CACNB2: variants seen among roughly 807,000 people sequenced by gnomAD.
CACNB2 encodes the protein calcium voltage-gated channel auxiliary subunit beta 2, also known as voltage-dependent L-type calcium channel subunit beta-2.
CACNB2 carries 42 observed loss-of-function variants against 73.3 expected under a neutral mutation model. The ratio of observed to expected loss-of-function variants is 0.57; its 90% confidence interval spans 0.45 to 0.74. The LOEUF is 0.74. CACNB2 is among the 30% of genes least tolerant of loss of function. The pLI, the probability that CACNB2 is intolerant of heterozygous loss-of-function variation, is 0.00. For missense variants in CACNB2, 940 were observed against 853.0 expected (o/e 1.10, Z -1.27); for synonymous variants, 348 against 310.3 (o/e 1.12, Z -1.28).
At chr10:18,479,678 A>G (rs1454061872) in intron 3 of CACNB2, among the ~76,000 whole-genome samples, 1 of 138,674 alleles carries the variant, frequency 7.2e-6, no homozygotes, top group Non-Finnish European at 1.6e-5. Context: ...ATGGTTTAAA[A>G]GTGCGTGTGT....
chr10:18,380,457 T>TA (rs527845826), intron 2 of CACNB2, among the ~76,000 whole-genome samples: 1 of 144,422 alleles, frequency 6.9e-6, no homozygotes, highest in South Asian at 2.2e-4. Flanking sequence ...TTTTTCTTTT[T>TA]TTTTTTTTTT....
chr10:18,388,253 G>A (rs1420260785), intron 2 of CACNB2, among the ~76,000 whole-genome samples: 1 of 152,060 alleles, frequency 6.6e-6, no homozygotes, highest in Admixed American at 6.6e-5. Flanking sequence ...TTTGACCAAT[G>A]GTATATGTCC....
chr10:18,464,418 T>TTAAAAAAAAAAAAATA (rs1360690647), intron 3 of CACNB2, among the ~76,000 whole-genome samples: 1 of 85,298 alleles, frequency 1.2e-5, no homozygotes, highest in East Asian at 4.0e-4. Flanking sequence ...TCTCAAAAAT[T>TTAAAAAAAAAAAAATA]AAAAAAAAAA....
At chr10:18,283,398 T>G (rs938936232) in intron 2 of CACNB2, among the ~76,000 whole-genome samples, 2 of 151,948 alleles carry the variant, frequency 1.3e-5, no homozygotes, top group Admixed American at 6.5e-5. Flanking sequence ...CTATTCACAA[T>G]AGCAAAGACT....
intron 2 of CACNB2, among the ~76,000 whole-genome samples, chr10:18,199,796 G>A (rs1336327264): frequency 6.6e-6 from 1 of 152,142 alleles, no homozygotes; most frequent in Admixed American, 6.6e-5. Context: ...CAGAGAAGAA[G>A]CTATTACAGT....
chr10:18,246,593 T>G (rs2036868677), intron 2 of CACNB2, among the ~76,000 whole-genome samples: 1 of 152,088 alleles, frequency 6.6e-6, no homozygotes, highest in Admixed American at 6.6e-5. Flanking sequence ...TATTTGTTTG[T>G]GTTTACAGTC....
chr10:18,493,603 G>A (rs11014500), intron 3 of CACNB2, among the ~76,000 whole-genome samples: 28,776 of 152,008 alleles, frequency 0.19, 3,111 homozygotes, highest in East Asian at 0.5. Flanking sequence ...CTGTAATCCC[G>A]TTACCTTAAA....
intron 2 of CACNB2, among the ~76,000 whole-genome samples, chr10:18,300,082 C>A (rs1160810034): frequency 1.3e-5 from 2 of 151,818 alleles, no homozygotes; most frequent in Non-Finnish European, 2.9e-5. Flanking sequence ...AGTGCAATGG[C>A]ACTATCTCGG....
intron 3 of CACNB2, among the ~76,000 whole-genome samples, chr10:18,476,362 T>A (rs2048439618): frequency 6.6e-6 from 1 of 152,166 alleles, no homozygotes; most frequent in African/African-American, 2.4e-5. Flanking sequence ...AGCAGAGATT[T>A]ATTGAAAACA....
At chr10:18,413,275 C>T (rs980506274) in intron 3 of CACNB2, among the ~76,000 whole-genome samples, 1 of 152,154 alleles carries the variant, frequency 6.6e-6, no homozygotes, top group African/African-American at 2.4e-5. Flanking sequence ...CCCAGCCACA[C>T]ATATTTTATG....
chr10:18,204,684 T>A (rs1054273677), intron 2 of CACNB2, among the ~76,000 whole-genome samples: 7 of 152,202 alleles, frequency 4.6e-5, no homozygotes, highest in Non-Finnish European at 8.8e-5. Flanking sequence ...GATTTGGATG[T>A]GTTAAGCTCT....
chr10:18,524,960 G>C (rs1017315338), intron 9 of CACNB2, among the ~76,000 whole-genome samples: 1 of 148,208 alleles, frequency 6.7e-6, no homozygotes, highest in Non-Finnish European at 1.5e-5. Flanking sequence ...AGCCTGGGAG[G>C]TTGAGGCTGC....
At chr10:18,145,963 C>T (rs1432030121) in intron 1 of CACNB2, among the ~76,000 whole-genome samples, 2 of 152,082 alleles carry the variant, frequency 1.3e-5, no homozygotes, top group African/African-American at 4.8e-5. Context: ...CTCCTCCTTC[C>T]TCCCTCCTCC....
At chr10:18,190,459 A>G (rs184318395) in intron 2 of CACNB2, among the ~76,000 whole-genome samples, 30 of 152,258 alleles carry the variant, frequency 2.0e-4, no homozygotes, top group Non-Finnish European at 3.4e-4. Flanking sequence ...GTCATGGGAG[A>G]CGTCCTGGAA....
At chr10:18,334,084 C>T (rs1251622649) in intron 2 of CACNB2, among the ~76,000 whole-genome samples, 1 of 152,156 alleles carries the variant, frequency 6.6e-6, no homozygotes, top group Non-Finnish European at 1.5e-5. Flanking sequence ...AGAAAGAACC[C>T]TTCTCTTTTC....
intron 2 of CACNB2, among the ~76,000 whole-genome samples, chr10:18,348,898 C>G (rs992285169): frequency 6.6e-6 from 1 of 152,144 alleles, no homozygotes; most frequent in African/African-American, 2.4e-5. Context: ...GTGGGAAGAT[C>G]GTTTGAGCTC....
intron 3 of CACNB2, among the ~76,000 whole-genome samples, chr10:18,431,535 G>A (rs1040364164): frequency 6.6e-6 from 1 of 152,156 alleles, no homozygotes; most frequent in Non-Finnish European, 1.5e-5. Context: ...CATAAACACA[G>A]GCTTTACCTC....
intron 2 of CACNB2, among the ~76,000 whole-genome samples, chr10:18,391,719 G>T (rs957711830): frequency 6.6e-6 from 1 of 152,054 alleles, no homozygotes; most frequent in African/African-American, 2.4e-5. Flanking sequence ...TTGAATCCAG[G>T]AGTTCGAGAC....
intron 3 of CACNB2, among the ~76,000 whole-genome samples, chr10:18,433,747 G>A (rs1262229063): frequency 6.6e-6 from 1 of 152,084 alleles, no homozygotes; most frequent in Non-Finnish European, 1.5e-5. Context: ...GTAACTTGTA[G>A]CTACATTACA....
Sources: allele counts gnomAD v4.1 joint callset (sites outside exome capture counted in the v4.1 genomes callset), GRCh38; gene constraint gnomAD v4.1.1; transcripts MANE v1.5; gene names NCBI Gene and HGNC (gene_info 2026-07-23, HGNC 2026-07-21).